SHROOM4: variants seen among roughly 807,000 people sequenced by gnomAD.
SHROOM4 encodes the protein protein Shroom4.
SHROOM4 carries 17 observed loss-of-function variants against 80.3 expected under a neutral mutation model. That is an observed-to-expected ratio of 0.21 (90% CI 0.14 to 0.32). The LOEUF is 0.32. Among genes scored for constraint, SHROOM4 ranks in the 10% least tolerant of loss-of-function variants. The pLI is 1.00. For synonymous variants in SHROOM4, 400 were observed against 437.5 expected, an observed-to-expected ratio of 0.91 and a Z score of 1.07; for missense variants, 993 against 1,140.3, an observed-to-expected ratio of 0.87 and a Z score of 1.86.
At chrX:50,811,496 T>C (rs1936329855) in intron 1 of SHROOM4, among the ~76,000 whole-genome samples, 1 of 111,560 alleles carries the variant, frequency 9.0e-6, no homozygotes, top group African/African-American at 3.3e-5. Flanking sequence ...AACCCAATTA[T>C]CTTTCTATTA....
chrX:50,603,766 G>T (rs782533883), intron 6 of SHROOM4, among the ~76,000 whole-genome samples: 6 of 112,100 alleles, frequency 5.4e-5, no homozygotes, highest in Non-Finnish European at 1.1e-4. Context: ...TTCCATGCTG[G>T]CTTGGGTTTG....
intron 1 of SHROOM4, among the ~76,000 whole-genome samples, chrX:50,712,225 C>T (rs1047849829): frequency 5.4e-5 from 6 of 111,285 alleles, no homozygotes; most frequent in African/African-American, 2.0e-4. Context: ...GCAGCCTGGG[C>T]CACGACCTTA....
chrX:50,578,691 C>T, the SHROOM4 span, among the ~76,000 whole-genome samples: 1 of 111,832 alleles, frequency 8.9e-6, no homozygotes, highest in East Asian at 2.8e-4. Flanking sequence ...CCACCCACCT[C>T]GGCCTCCCAA....
At chrX:50,758,809 G>T (rs1557268611) in intron 1 of SHROOM4, among the ~76,000 whole-genome samples, 5 of 111,101 alleles carry the variant, frequency 4.5e-5, no homozygotes, top group Non-Finnish European at 1.9e-5. Context: ...TTTCTTTATG[G>T]GAAGATTTTT....
rs985273775 is a variant in SHROOM4, at chrX:50,595,507, C to A, written c.*1188G>T. 1 of 185,792 alleles carries A rather than the reference C, an allele frequency of 5.4e-6. No homozygotes were observed. Among genetic ancestry groups the A allele is most frequent in the African/African-American group, 3.1e-5 (1 of 32,515 alleles). The allele number at this position is 185,792 out of a possible 1,213,427, so 15.3% of individuals were successfully genotyped here. A position where few individuals can be genotyped will look rare whatever the true frequency, so the allele number is the denominator to read the frequency against. On this transcript the variant is annotated 3_prime_UTR_variant, in exon 9 of 9. Transcript: ENST00000376020. ...AACCTTTCTCCATTTCAGGAGATTT[C>A]TTTGGTTTCAAAAAGAAATCAGTAA...
Position 50,648,820 on chromosome X carries a change from T to C in SHROOM4, c.270-10512A>G, listed in dbSNP as rs1249270686. Among the ~76,000 whole-genome samples, 3 of 112,404 alleles carry C rather than the reference T, an allele frequency of 2.7e-5. No individual in the cohort carries two copies. In the East Asian group the frequency reaches 8.4e-4, roughly 32 times the overall value. ...AAATTAGAATGATTCAAGAGCATGG[T>C]GGGCCTTAAGAGTCAAGTTAAAGCC... On this transcript the variant is annotated intron_variant, in intron 2 of 8. Transcript: ENST00000376020.
intron 1 of SHROOM4, among the ~76,000 whole-genome samples, chrX:50,745,048 G>C (rs1211947096): frequency 9.0e-6 from 1 of 111,537 alleles, no homozygotes; most frequent in Admixed American, 9.6e-5. Context: ...CATTCAAATA[G>C]GGTTTAGCAG....
intron 3 of SHROOM4, among the ~76,000 whole-genome samples, chrX:50,636,128 G>A (rs186610677): frequency 2.7e-5 from 3 of 110,261 alleles, no homozygotes; most frequent in East Asian, 5.8e-4. Context: ...GAGCATGTGC[G>A]TCAGAATCAC....
intron 1 of SHROOM4, among the ~76,000 whole-genome samples, chrX:50,788,659 A>T (rs1450262941): frequency 9.0e-6 from 1 of 111,703 alleles, no homozygotes; most frequent in East Asian, 2.8e-4. Flanking sequence ...AAAATTGGCA[A>T]TACTAAGTTC....
chrX:50,633,101 A>C (rs781951715), intron 4 of SHROOM4, 77 bp downstream of exon 4: 1 of 934,013 alleles, frequency 1.1e-6, no homozygotes, highest in South Asian at 2.1e-5. Flanking sequence ...TAATTGTTAT[A>C]TTTTTAAATA....
At chrX:50,650,050 T>C (rs1267418766) in intron 2 of SHROOM4, among the ~76,000 whole-genome samples, 1 of 112,268 alleles carries the variant, frequency 8.9e-6, no homozygotes, top group Non-Finnish European at 1.9e-5. Flanking sequence ...TAATAGTTTG[T>C]CATTACAAAC....
At chrX:50,647,285 C>T (rs781785430) in intron 2 of SHROOM4, among the ~76,000 whole-genome samples, 1 of 111,706 alleles carries the variant, frequency 9.0e-6, no homozygotes, top group South Asian at 3.8e-4. Flanking sequence ...GTGAATATTT[C>T]GAAGCTTCTA....
chrX:50,702,533 G>C (rs1294510379), intron 1 of SHROOM4, among the ~76,000 whole-genome samples: 2 of 111,778 alleles, frequency 1.8e-5, no homozygotes, highest in African/African-American at 6.5e-5. Flanking sequence ...TATGTTGCAT[G>C]AAAGAGACCA....
intron 1 of SHROOM4, among the ~76,000 whole-genome samples, chrX:50,781,195 G>A (rs920714773): frequency 9.0e-6 from 1 of 110,644 alleles, no homozygotes; most frequent in Non-Finnish European, 1.9e-5. Context: ...TCTTTATTCA[G>A]TCTACTGATT....
intron 1 of SHROOM4, among the ~76,000 whole-genome samples, chrX:50,714,965 G>A (rs1009460797): frequency 2.7e-5 from 3 of 111,745 alleles, no homozygotes; most frequent in Admixed American, 9.5e-5. Flanking sequence ...TAGGGAACAT[G>A]TGCCAGTTAA....
At position 50,593,097 on chromosome X, in the gene SHROOM4, C is replaced by T. The variant is rs1362986428; in HGVS notation, c.*3598G>A. On this transcript the variant is annotated 3_prime_UTR_variant, in exon 9 of 9. Transcript: ENST00000376020. Reference sequence around the variant, plus strand: ...TTGAAATAGATGTCTAAAAGCTGTTCCCCTAAAAAGGCTATGGCAGATCCT... The same window carrying T: ...TTGAAATAGATGTCTAAAAGCTGTTTCCCTAAAAAGGCTATGGCAGATCCT... 8.9e-6 allele frequency: 1 copy of T among 112,022 alleles called. No individual in the cohort carries two copies. Among genetic ancestry groups the T allele is most frequent in the Non-Finnish European group, 1.9e-5 (1 of 53,238 alleles). The allele number at this position is 112,022 out of a possible 1,213,427, so 9.2% of individuals were successfully genotyped here.
chrX:50,650,667 G>A (rs1932012711), intron 2 of SHROOM4, among the ~76,000 whole-genome samples: 1 of 111,897 alleles, frequency 8.9e-6, no homozygotes. Context: ...CATAAAAAGA[G>A]GTTTCTAAAG....
intron 2 of SHROOM4, among the ~76,000 whole-genome samples, chrX:50,653,958 A>G (rs895843889): frequency 8.9e-6 from 1 of 112,008 alleles, no homozygotes; most frequent in African/African-American, 3.2e-5. Context: ...ATGCACGCTC[A>G]TAAGTTTGAG....
chrX:50,655,430 T>C (rs372793491), intron 2 of SHROOM4, among the ~76,000 whole-genome samples: 4 of 109,076 alleles, frequency 3.7e-5, no homozygotes, highest in East Asian at 5.7e-4. Flanking sequence ...ATCCATGTTG[T>C]ACAAATGACA....
Sources: allele counts gnomAD v4.1 joint callset (sites outside exome capture counted in the v4.1 genomes callset), GRCh38; gene constraint gnomAD v4.1.1; transcripts MANE v1.5; gene names NCBI Gene and HGNC (gene_info 2026-07-23, HGNC 2026-07-21).